The following CLSTN2 variants were observed in gnomAD, a reference collection of about 807,000 sequenced individuals.
CLSTN2 encodes the protein calsyntenin-2.
A neutral mutation model predicts 101.2 loss-of-function variants in CLSTN2; 48 were observed. The observed-to-expected ratio is 0.47, with a 90% CI of 0.38 to 0.60. CLSTN2 has a LOEUF of 0.60. Ranked by LOEUF, CLSTN2 falls within the 20% of genes least tolerant of loss-of-function variation. The pLI is 0.00. For missense variants in CLSTN2, 1,160 were observed against 1,238.2 expected (o/e 0.94, Z 0.95); for synonymous variants, 481 against 463.6 (o/e 1.04, Z -0.48).
At chr3:140,293,040 T>C (rs977799579) in intron 2 of CLSTN2, among the ~76,000 whole-genome samples, 3 of 152,172 alleles carry the variant, frequency 2.0e-5, no homozygotes, top group African/African-American at 7.2e-5. Context: ...GAGTGGCACA[T>C]TGATGGAGAA....
At chr3:140,413,133 G>T (rs1295131513) in intron 4 of CLSTN2, among the ~76,000 whole-genome samples, 1 of 151,568 alleles carries the variant, frequency 6.6e-6, no homozygotes, top group Admixed American at 6.6e-5. Context: ...TAAACTAATT[G>T]ATAAACCTTT....
At chr3:140,121,185 C>T (rs1010285255) in intron 1 of CLSTN2, among the ~76,000 whole-genome samples, 3 of 152,164 alleles carry the variant, frequency 2.0e-5, no homozygotes, top group Non-Finnish European at 4.4e-5. Flanking sequence ...GAAAAGGTTA[C>T]AGGAACCTCA....
At chr3:139,953,377 A>G (rs1935326968) in intron 1 of CLSTN2, among the ~76,000 whole-genome samples, 1 of 152,072 alleles carries the variant, frequency 6.6e-6, no homozygotes, top group Admixed American at 6.6e-5. Context: ...CATGTAACAA[A>G]CCCAACATGT....
chr3:140,403,502 G>T (rs979110860), intron 2 of CLSTN2, 127 bp from the exon 3 acceptor site: 2 of 793,732 alleles, frequency 2.5e-6, no homozygotes, highest in Middle Eastern at 3.7e-4. Flanking sequence ...CTGGCTCGTG[G>T]ACCACACTAT....
At chr3:140,288,319 A>G (rs949295582) in intron 2 of CLSTN2, among the ~76,000 whole-genome samples, 3 of 152,188 alleles carry the variant, frequency 2.0e-5, no homozygotes, top group Admixed American at 6.5e-5. Context: ...CCTGAAGAGA[A>G]TAAGTGTCCG....
intron 1 of CLSTN2, among the ~76,000 whole-genome samples, chr3:140,095,983 G>A (rs1475153581): frequency 6.6e-6 from 1 of 152,200 alleles, no homozygotes; most frequent in Non-Finnish European, 1.5e-5. Context: ...GCTCTCCTAG[G>A]AGATAAAGCA....
At chr3:140,368,390 A>G (rs72991762) in intron 2 of CLSTN2, among the ~76,000 whole-genome samples, 9,891 of 152,154 alleles carry the variant, frequency 0.065, 428 homozygotes, top group African/African-American at 0.12. Flanking sequence ...CAGGTTGTTC[A>G]TTGCCCTGGG....
At chr3:139,967,843 A>G (rs959820835) in intron 1 of CLSTN2, among the ~76,000 whole-genome samples, 13 of 152,190 alleles carry the variant, frequency 8.5e-5, no homozygotes, top group African/African-American at 3.1e-4. Flanking sequence ...ATATTTAAAC[A>G]TGATGTGCAG....
chr3:140,092,050 T>C lies in CLSTN2; in HGVS notation c.110-83901T>C, dbSNP rs151064032. 5.2e-4 allele frequency among the ~76,000 whole-genome samples: 79 copies of C among 152,286 alleles called. No homozygotes were observed. In the East Asian group the frequency reaches 9.5e-3, roughly 18 times the overall value. Reference sequence around the variant, plus strand: ...GTCCTGGGATTCCCTACCAGCCCGTTGGATCAGCCCCACCCTCTAAGTCTG... The same window carrying C: ...GTCCTGGGATTCCCTACCAGCCCGTCGGATCAGCCCCACCCTCTAAGTCTG... On this transcript the variant is annotated intron_variant, in intron 1 of 16. Coordinates refer to ENST00000458420, the MANE Select transcript of CLSTN2 (RefSeq NM_022131.3).
intron 2 of CLSTN2, among the ~76,000 whole-genome samples, chr3:140,334,630 T>C (rs2087422830): frequency 6.6e-6 from 1 of 152,188 alleles, no homozygotes; most frequent in South Asian, 2.1e-4. Context: ...TTCTGCTAAA[T>C]GACAGAATGA....
At chr3:140,036,979 T>C (rs534817933) in intron 1 of CLSTN2, among the ~76,000 whole-genome samples, 2 of 152,326 alleles carry the variant, frequency 1.3e-5, no homozygotes, top group African/African-American at 4.8e-5. Context: ...ATAATTCCTG[T>C]ACCCTGAGAT....
intron 8 of CLSTN2, among the ~76,000 whole-genome samples, chr3:140,471,996 G>A (rs892822418): frequency 1.1e-4 from 16 of 152,240 alleles, no homozygotes; most frequent in African/African-American, 3.6e-4. Context: ...ACAATAATGT[G>A]TCTGAGAAGT....
intron 4 of CLSTN2, among the ~76,000 whole-genome samples, chr3:140,407,935 A>C (rs2088322272): frequency 6.6e-6 from 1 of 152,196 alleles, no homozygotes; most frequent in Non-Finnish European, 1.5e-5. Flanking sequence ...GTGATGTTTA[A>C]GTTTGCAAAC....
chr3:140,204,529 A>C (rs564861134), intron 2 of CLSTN2, among the ~76,000 whole-genome samples: 2 of 152,344 alleles, frequency 1.3e-5, no homozygotes, highest in South Asian at 4.1e-4. Context: ...TTGCATGTGT[A>C]TGTGTTTGTT....
intron 1 of CLSTN2, among the ~76,000 whole-genome samples, chr3:140,127,963 A>G (rs1292081090): frequency 1.3e-5 from 2 of 152,190 alleles, no homozygotes. Flanking sequence ...GTAATAATAA[A>G]GCCTCTAAAA....
At chr3:140,238,026 T>A (rs2086431512) in intron 2 of CLSTN2, among the ~76,000 whole-genome samples, 2 of 152,208 alleles carry the variant, frequency 1.3e-5, no homozygotes, top group Admixed American at 6.5e-5. Context: ...GACATCAACA[T>A]GTGTTTGCAC....
chr3:140,556,441 C>G, intron 10 of CLSTN2, 72 bp from the exon 11 acceptor site: 1 of 1,488,502 alleles, frequency 6.7e-7, no homozygotes, highest in Non-Finnish European at 9.3e-7. Context: ...CCTGTATGGA[C>G]AGGAAGTGCT....
intron 1 of CLSTN2, among the ~76,000 whole-genome samples, chr3:139,991,605 A>G (rs1316348638): frequency 6.6e-6 from 1 of 152,244 alleles, no homozygotes; most frequent in East Asian, 1.9e-4. Flanking sequence ...GAGTTGCTGA[A>G]TTTAATTAAA....
At chr3:140,170,936 T>C (rs2010202651) in intron 1 of CLSTN2, among the ~76,000 whole-genome samples, 1 of 152,190 alleles carries the variant, frequency 6.6e-6, no homozygotes, top group Non-Finnish European at 1.5e-5. Context: ...GAACTGCAAC[T>C]TTAGATTTCA....
Sources: gnomAD v4.1 joint callset for allele counts (sites outside exome capture counted in the v4.1 genomes callset) on GRCh38, gnomAD v4.1.1 for gene constraint, MANE v1.5 for transcripts, NCBI Gene and HGNC (gene_info 2026-07-23, HGNC 2026-07-21) for gene names.